ELP4: variants seen among roughly 807,000 people sequenced by gnomAD.
ELP4 encodes elongator complex protein 4.
A neutral mutation model predicts 48.9 loss-of-function variants in ELP4; 51 were observed. The observed-to-expected ratio is 1.04, with a 90% confidence interval of 0.83 to 1.32. The LOEUF (loss-of-function observed/expected upper bound fraction) is 1.32. Ranked by LOEUF, ELP4 falls within the 40% of genes most tolerant of loss-of-function variation. ELP4 has a pLI of 0.00. For synonymous variants in ELP4, 210 were observed against 189.2 expected, an observed-to-expected ratio of 1.11 and a Z score of -0.90; for missense variants, 519 against 514.6, an observed-to-expected ratio of 1.01 and a Z score of -0.08.
At chr11:31,783,355 T>C (rs1319950899) in intron 9 of ELP4, 38 bp from the exon 10 acceptor site, 1 of 1,588,484 alleles carries the variant, frequency 6.3e-7, no homozygotes. Flanking sequence ...TTTTTCTTCT[T>C]TCTTCTTTTT....
rs547993255 is a variant in ELP4, at chr11:31,668,413, ATGAT to A, written c.1143+18195_1143+18198del. Among the ~76,000 whole-genome samples the A allele has an allele frequency of 4.6e-5, 7 of 152,184 alleles. No homozygotes were observed. In the East Asian group the frequency reaches 1.2e-3, roughly 25 times the overall value. On this transcript the variant is annotated intron_variant, in intron 9 of 9. Transcript: ENST00000640961. ...ACAGATTAACACTATTTTTAATAAA[ATGAT>A]TGGCAACACTCAAGTCATTTGTTTC... is the stretch of plus-strand genomic sequence containing the variant.
rs760168032 is a variant in ELP4 at position 31,692,429 on chromosome 11, A to C, written c.1143+42208A>C. On this transcript the variant is annotated intron_variant, in intron 9 of 9. Coordinates refer to ENST00000640961, the MANE Select transcript of ELP4 (RefSeq NM_019040.5). ...TGTTTTCCCTACTCACTGTTGCCCTACTACTATAAATAATGAATTTTGAAA... is the reference window on the plus strand; with the variant it reads ...TGTTTTCCCTACTCACTGTTGCCCTCCTACTATAAATAATGAATTTTGAAA... Among the ~76,000 whole-genome samples, 4 of 152,200 alleles carry C rather than the reference A, an allele frequency of 2.6e-5. No homozygotes were observed. The South Asian group carries it at 8.3e-4, about 31-fold the overall frequency.
intron 9 of ELP4, among the ~76,000 whole-genome samples, chr11:31,766,328 G>A (rs1161669836): frequency 6.6e-6 from 1 of 152,160 alleles, no homozygotes; most frequent in South Asian, 2.1e-4. Flanking sequence ...TGCAGTTCTA[G>A]TTGTATATCT....
intron 9 of ELP4, among the ~76,000 whole-genome samples, chr11:31,734,335 C>T (rs1446123619): frequency 6.6e-6 from 1 of 152,086 alleles, no homozygotes; most frequent in East Asian, 1.9e-4. Context: ...CCACTTCTAT[C>T]GAACGTAGTA....
intron 9 of ELP4, among the ~76,000 whole-genome samples, chr11:31,752,299 G>A (rs1005409925): frequency 6.6e-6 from 1 of 152,062 alleles, no homozygotes; most frequent in African/African-American, 2.4e-5. Flanking sequence ...AATTTCCTAG[G>A]AAACAGCATA....
chr11:31,710,149 A>T (rs1322389019), intron 9 of ELP4, among the ~76,000 whole-genome samples: 1 of 152,222 alleles, frequency 6.6e-6, no homozygotes, highest in African/African-American at 2.4e-5. Context: ...CACTCAATAA[A>T]TATTTGTTGA....
chr11:31,768,245 C>A (rs2134264809), intron 9 of ELP4, among the ~76,000 whole-genome samples: 1 of 152,030 alleles, frequency 6.6e-6, no homozygotes, highest in East Asian at 1.9e-4. Context: ...TATAAATAGG[C>A]AAAACACACA....
intron 5 of ELP4, among the ~76,000 whole-genome samples, chr11:31,607,526 C>T (rs1447106807): frequency 1.3e-5 from 2 of 152,114 alleles, no homozygotes; most frequent in Admixed American, 1.3e-4. Context: ...ATATAAGGGC[C>T]TTAATCCCGT....
At chr11:31,571,261 T>C (rs755717901) in intron 3 of ELP4, among the ~76,000 whole-genome samples, 3 of 152,242 alleles carry the variant, frequency 2.0e-5, no homozygotes, top group Non-Finnish European at 4.4e-5. Context: ...TCAACAGTGT[T>C]CATAGCGCCT....
intron 5 of ELP4, among the ~76,000 whole-genome samples, chr11:31,624,937 A>G (rs1386237196): frequency 6.6e-6 from 1 of 151,444 alleles, no homozygotes; most frequent in East Asian, 1.9e-4. Context: ...AGTAACACAC[A>G]TATAGTTGTC....
At chr11:31,667,243 T>C (rs538014098) in intron 9 of ELP4, among the ~76,000 whole-genome samples, 94 of 152,330 alleles carry the variant, frequency 6.2e-4, no homozygotes, top group Admixed American at 3.5e-3. Flanking sequence ...TAAGTTTATT[T>C]CTCATTATCC....
chr11:31,756,262 AATC>A (rs1947830187), intron 9 of ELP4, among the ~76,000 whole-genome samples: 1 of 152,158 alleles, frequency 6.6e-6, no homozygotes, highest in Non-Finnish European at 1.5e-5. Flanking sequence ...AGGAAAATCT[AATC>A]ATGCCACTTT....
chr11:31,758,297 CT>C (rs1294065186), intron 9 of ELP4, among the ~76,000 whole-genome samples: 4 of 152,140 alleles, frequency 2.6e-5, no homozygotes, highest in African/African-American at 9.7e-5. Flanking sequence ...TTATCTCAGC[CT>C]TTAATTTGTG....
At chr11:31,568,829 A>G (rs1957152361) in intron 3 of ELP4, among the ~76,000 whole-genome samples, 1 of 151,768 alleles carries the variant, frequency 6.6e-6, no homozygotes, top group South Asian at 2.1e-4. Context: ...TCACACCTGT[A>G]ATCCCAACAC....
At chr11:31,655,035 A>G (rs1427129380) in intron 9 of ELP4, among the ~76,000 whole-genome samples, 2 of 152,012 alleles carry the variant, frequency 1.3e-5, no homozygotes, top group Admixed American at 1.3e-4. Flanking sequence ...AAAGTTGAAC[A>G]TAGGCATCTA....
chr11:31,586,931 C>G (rs955602352), intron 3 of ELP4, among the ~76,000 whole-genome samples: 2 of 152,028 alleles, frequency 1.3e-5, no homozygotes, highest in Non-Finnish European at 2.9e-5. Flanking sequence ...TGAGCCACGG[C>G]GACCGGCCAA....
In ELP4 at chr11:31,785,970, A is replaced by G. The variant is rs1565161080; in HGVS notation, c.*2446A>G. Reference sequence around the variant, plus strand: ...TAGTATATGAACTTCAAAACCCTATATGGTACTCATTTCTTACACTAGATT... The same window carrying G: ...TAGTATATGAACTTCAAAACCCTATGTGGTACTCATTTCTTACACTAGATT... On this transcript the variant is annotated 3_prime_UTR_variant, in exon 10 of 10. Coordinates refer to ENST00000640961, the MANE Select transcript of ELP4 (RefSeq NM_019040.5). The G allele has an allele frequency of 5.0e-6, 1 of 201,342 alleles. No homozygotes were observed. The highest frequency in any genetic ancestry group is 1.0e-5 in the Non-Finnish European group (1 of 97,780). 12.5% of individuals were successfully genotyped at this position (201,342 alleles called of 1,614,324 possible).
intron 3 of ELP4, among the ~76,000 whole-genome samples, chr11:31,573,279 T>G (rs1293305024): frequency 6.6e-6 from 1 of 152,188 alleles, no homozygotes; most frequent in Non-Finnish European, 1.5e-5. Flanking sequence ...CTTTAGCATA[T>G]ACCTCAAAAC....
intron 6 of ELP4, among the ~76,000 whole-genome samples, chr11:31,630,492 C>G (rs1308557705): frequency 2.0e-5 from 3 of 151,902 alleles, no homozygotes; most frequent in African/African-American, 4.8e-5. Context: ...CCACACCCAG[C>G]TAATGTTTGT....
Sources: gnomAD v4.1 joint callset for allele counts (sites outside exome capture counted in the v4.1 genomes callset) on GRCh38, gnomAD v4.1.1 for gene constraint, MANE v1.5 for transcripts, NCBI Gene and HGNC (gene_info 2026-07-23, HGNC 2026-07-21) for gene names.